The following GRK7 variants were observed in gnomAD, a reference collection of about 807,000 sequenced individuals.
GRK7 encodes rhodopsin kinase GRK7.
GRK7 carries 24 observed loss-of-function variants against 34.1 expected under a neutral mutation model. That is an observed-to-expected ratio of 0.70 (90% CI 0.51 to 0.99). GRK7 has a LOEUF of 0.99. Among genes scored for constraint, GRK7 ranks in the 50% least tolerant of loss-of-function variants. The pLI, the probability that GRK7 is intolerant of heterozygous loss-of-function variation, is 0.00. For synonymous variants in GRK7, 256 were observed against 279.4 expected, an observed-to-expected ratio of 0.92 and a Z score of 0.84; for missense variants, 644 against 707.3, an observed-to-expected ratio of 0.91 and a Z score of 1.02.
the GRK7 span, among the ~76,000 whole-genome samples, chr3:141,755,300 T>C: frequency 1.3e-5 from 2 of 152,116 alleles, no homozygotes; most frequent in Admixed American, 6.5e-5. Context: ...GCCAGGAGTT[T>C]GAGACAAGCC....
At chr3:141,787,626 A>G (rs1208198178) in intron 4 of GRK7, among the ~76,000 whole-genome samples, 1 of 146,148 alleles carries the variant, frequency 6.8e-6, no homozygotes, top group Middle Eastern at 3.5e-3. Context: ...CTCTGCCTCA[A>G]AAAAAAAAAA....
intron 4 of GRK7, among the ~76,000 whole-genome samples, chr3:141,789,881 T>A (rs1306655443): frequency 6.6e-6 from 1 of 152,166 alleles, no homozygotes; most frequent in Non-Finnish European, 1.5e-5. Context: ...GTAGGGAAAT[T>A]GAGACCCAAA....
chr3:141,788,677 G>A (rs528455669), intron 4 of GRK7, among the ~76,000 whole-genome samples: 3 of 152,126 alleles, frequency 2.0e-5, no homozygotes, highest in East Asian at 3.9e-4. Context: ...AGGAGATGCC[G>A]GGGCTGAAGA....
chr3:141,801,329 AAAAAAG>A (rs1311096646), intron 4 of GRK7, among the ~76,000 whole-genome samples: 2 of 150,978 alleles, frequency 1.3e-5, no homozygotes, highest in African/African-American at 2.4e-5. Flanking sequence ...AAAAAAAAAA[AAAAAAG>A]AAATGCAAAG....
chr3:141,798,312 C>T (rs1049817735), intron 4 of GRK7, among the ~76,000 whole-genome samples: 5 of 152,200 alleles, frequency 3.3e-5, no homozygotes, highest in African/African-American at 9.7e-5. Flanking sequence ...CGTGCTAAAC[C>T]CCGTGAGGTC....
In GRK7 at chr3:141,778,792, G is replaced by A. The variant is rs752439966; in HGVS notation, c.508G>A (p.Ala170Thr). The change falls in exon 3 of 6, where the codon GCC (alanine) becomes ACC (threonine). Residue 170 changes from alanine (A) to threonine (T), a missense_variant. Physicochemically the swap from Ala to Thr is moderately conservative, Grantham distance 58 (BLOSUM62 0). Coordinates refer to ENST00000682958, the MANE Select transcript of GRK7 (RefSeq NM_139209.3). This position sits in a 1 kb window ranked among gnomAD's most constrained non-coding sequence, Gnocchi z 4.1. ...GCCCTTTAAGGATTTCGTGACCAGC[G>A]CCTTCTACGACAAGTTTCTGCAGTG... ...EQPFKDFVTS[A>T]FYDKFLQWKL... 25 of 1,607,746 alleles carry A rather than the reference G, an allele frequency of 1.6e-5. No homozygotes were observed. The highest frequency in any genetic ancestry group is 5.4e-5 in the African/African-American group (4 of 74,730).
At chr3:141,809,085 C>T (rs1711065525) in intron 5 of GRK7, among the ~76,000 whole-genome samples, 1 of 151,858 alleles carries the variant, frequency 6.6e-6, no homozygotes, top group Non-Finnish European at 1.5e-5. Flanking sequence ...ACCTGTAATC[C>T]CAGATAATCA....
chr3:141,763,491 A>G lies in GRK7; in HGVS notation c.-2462A>G, dbSNP rs901057218. Reference sequence around the variant, plus strand: ...ATCAGCCCAACCCTCTGCCAGCTCCACCTTCACAGACGAGGAACCAGGGCC... The same window carrying G: ...ATCAGCCCAACCCTCTGCCAGCTCCGCCTTCACAGACGAGGAACCAGGGCC... On this transcript the variant is annotated 5_prime_UTR_variant, in exon 1 of 6. Coordinates refer to ENST00000682958, the MANE Select transcript of GRK7 (RefSeq NM_139209.3). Among the ~76,000 whole-genome samples the G allele has an allele frequency of 4.6e-5, 7 of 152,122 alleles. No homozygotes were observed. Among genetic ancestry groups the G allele is most frequent in the Non-Finnish European group, 1.5e-5 (1 of 68,000 alleles).
the GRK7 span, among the ~76,000 whole-genome samples, chr3:141,756,198 GCT>G: frequency 6.6e-6 from 1 of 151,998 alleles, no homozygotes; most frequent in Non-Finnish European, 1.5e-5. Context: ...TGTGATCCTA[GCT>G]ACTCAGGAGG....
At chr3:141,792,937 G>C (rs1184605515) in intron 4 of GRK7, among the ~76,000 whole-genome samples, 1 of 152,024 alleles carries the variant, frequency 6.6e-6, no homozygotes, top group African/African-American at 2.4e-5. Context: ...AAAAGGGCAG[G>C]GTTCAGAGAG....
chr3:141,781,012 C>T (rs1372418547), intron 4 of GRK7, among the ~76,000 whole-genome samples: 3 of 152,158 alleles, frequency 2.0e-5, no homozygotes, highest in Non-Finnish European at 4.4e-5. Context: ...CTACTTTGCT[C>T]TCCTCTCACA....
intron 5 of GRK7, among the ~76,000 whole-genome samples, chr3:141,811,058 T>A (rs1441245796): frequency 6.6e-6 from 1 of 152,102 alleles, no homozygotes; most frequent in Non-Finnish European, 1.5e-5. Flanking sequence ...CTCATACCTG[T>A]AATCCCAGCA....
chr3:141,818,690 A>G lies in GRK7; in HGVS notation c.*1640A>G, dbSNP rs1711179503. On this transcript the variant is annotated 3_prime_UTR_variant, in exon 6 of 6. Transcript: ENST00000682958. ...TGAGTGATATTTTTTAAAAGGATGTATGTGCACATAATAAAATCTAAATTT... is the reference window on the plus strand; with the variant it reads ...TGAGTGATATTTTTTAAAAGGATGTGTGTGCACATAATAAAATCTAAATTT... Among the ~76,000 whole-genome samples, 1 of 152,192 alleles carries G rather than the reference A, an allele frequency of 6.6e-6. No homozygotes were observed. The highest frequency in any genetic ancestry group is 2.4e-5 in the African/African-American group (1 of 41,450).
chr3:141,752,458 C>G, the GRK7 span, among the ~76,000 whole-genome samples: 5 of 152,158 alleles, frequency 3.3e-5, no homozygotes, highest in Admixed American at 6.5e-5. Context: ...AAAGAACTGT[C>G]AGGCCCCAAA....
chr3:141,806,798 G>A (rs1711041161), intron 4 of GRK7, among the ~76,000 whole-genome samples: 1 of 151,934 alleles, frequency 6.6e-6, no homozygotes, highest in East Asian at 1.9e-4. Flanking sequence ...GAGTAGTTCT[G>A]GAGATTGGTT....
chr3:141,810,883 T>C (rs2107895795), intron 5 of GRK7, among the ~76,000 whole-genome samples: 1 of 152,248 alleles, frequency 6.6e-6, no homozygotes, highest in African/African-American at 2.4e-5. Flanking sequence ...ACTAACAATC[T>C]CTACCCTCAT....
chr3:141,803,639 C>T (rs1187992534), intron 4 of GRK7, among the ~76,000 whole-genome samples: 1 of 152,148 alleles, frequency 6.6e-6, no homozygotes, highest in African/African-American at 2.4e-5. Flanking sequence ...TCATGTAATA[C>T]ATGGTCATTT....
At chr3:141,759,668 C>T (rs1577906451), upstream of GRK7, among the ~76,000 whole-genome samples, 3 of 69,176 alleles carry the variant, frequency 4.3e-5, no homozygotes, top group African/African-American at 1.9e-4. Flanking sequence ...ATGCTGGCCT[C>T]ATAAAATGAG....
intron 4 of GRK7, among the ~76,000 whole-genome samples, chr3:141,804,914 C>A (rs1257952964): frequency 4.0e-5 from 6 of 149,328 alleles, no homozygotes; most frequent in African/African-American, 1.2e-4. Context: ...CGCATGCTCA[C>A]ACACACATGC....
Sources: allele counts gnomAD v4.1 joint callset (sites outside exome capture counted in the v4.1 genomes callset), GRCh38; gene constraint gnomAD v4.1.1; non-coding constraint Gnocchi (gnomAD v3.1); transcripts MANE v1.5; gene names NCBI Gene and HGNC (gene_info 2026-07-23, HGNC 2026-07-21).